Variants in AXIN1 observed in about 807,000 individuals in gnomAD.
AXIN1 encodes axin-1.
In AXIN1, 30 loss-of-function variants were observed where a neutral mutation model predicts 76.4. That is an observed-to-expected ratio of 0.39 (90% CI 0.29 to 0.53). The LOEUF (loss-of-function observed/expected upper bound fraction) is 0.53. Ranked by LOEUF, AXIN1 falls within the 20% of genes least tolerant of loss-of-function variation. The probability of loss-of-function intolerance (pLI) is 0.66; values close to 1 mark genes in which losing one functional copy is unlikely to be tolerated. For synonymous variants in AXIN1, 545 were observed against 501.4 expected, an observed-to-expected ratio of 1.09 and a Z score of -1.16; for missense variants, 1,140 against 1,198.8, an observed-to-expected ratio of 0.95 and a Z score of 0.72.
chr16:340,349 C>A (rs779412154), intron 2 of AXIN1, among the ~76,000 whole-genome samples: 21 of 152,212 alleles, frequency 1.4e-4, no homozygotes, highest in Non-Finnish European at 2.1e-4. Context: ...GGAAGACACA[C>A]GAAAATATCC....
chr16:335,391 C>T (rs1408684620), intron 2 of AXIN1, among the ~76,000 whole-genome samples: 1 of 151,938 alleles, frequency 6.6e-6, no homozygotes, highest in Non-Finnish European at 1.5e-5. Context: ...TAATGCAGCA[C>T]CCAGTATCAT....
chr16:310,149 G>A (rs977012294), intron 3 of AXIN1, 80 bp from the exon 4 acceptor site: 503 of 1,340,256 alleles, frequency 3.8e-4, no homozygotes, highest in Non-Finnish European at 5.0e-4. Context: ...TCCTGGCCCC[G>A]ACCGCCGGTC....
intron 2 of AXIN1, among the ~76,000 whole-genome samples, chr16:344,175 G>A (rs1265916760): frequency 6.6e-6 from 1 of 152,032 alleles, no homozygotes; most frequent in Non-Finnish European, 1.5e-5. Flanking sequence ...GCCCACGTCT[G>A]TAATCCCCGC....
At chr16:295,211 C>G (rs998112158) in intron 7 of AXIN1, among the ~76,000 whole-genome samples, 1 of 151,022 alleles carries the variant, frequency 6.6e-6, no homozygotes, top group African/African-American at 2.4e-5. Flanking sequence ...GTTCAAGCGA[C>G]TCTCCTGCCT....
In AXIN1 at chr16:347,033, C is replaced by T. The variant is rs2054048466; in HGVS notation, c.-8G>A. On this transcript the variant is annotated 5_prime_UTR_variant, in exon 2 of 11. Coordinates refer to ENST00000262320, the MANE Select transcript of AXIN1 (RefSeq NM_003502.4). The stretch of plus-strand genomic sequence containing the variant: ...CTGCTCTTGGATATTCATTTTGGGA[C>T]TCTGCGTCAAGGAACAATGAGCGCT... 2 of 1,614,090 alleles carry T rather than the reference C, an allele frequency of 1.2e-6. No homozygotes were observed. Among genetic ancestry groups the T allele is most frequent in the Non-Finnish European group, 1.7e-6 (2 of 1,180,050 alleles).
intron 3 of AXIN1, 103 bp downstream of exon 3, chr16:314,440 T>A: frequency 6.4e-7 from 1 of 1,554,846 alleles, no homozygotes; most frequent in Non-Finnish European, 8.7e-7. Flanking sequence ...ACAGGGTGTC[T>A]GGGGCAGGAC....
At position 310,070 on chromosome 16, in the gene AXIN1, C is replaced by G. The variant is rs2053134499; in HGVS notation, c.1020-1G>C. On this transcript the variant is annotated splice_acceptor_variant, in intron 3 of 10. Transcript: ENST00000262320. LOFTEE classifies it high-confidence loss of function. ...GATCCTGTATGGGGGGATCCCATCC[C>G]TGTCCAGGAGAAAGAGGCAGCCGTT... The G allele has an allele frequency of 6.2e-7, 1 of 1,608,100 alleles. No individual in the cohort carries two copies. The highest frequency in any genetic ancestry group is 8.5e-7 in the Non-Finnish European group (1 of 1,177,720).
chr16:291,307 A>T lies in AXIN1; in HGVS notation c.2187-10T>A. The stretch of plus-strand genomic sequence containing the variant: ...AACCTCCTGCACATACCTAGGGAAC[A>T]ACCCGCGTCAAAGGTGGCTGTGCCG... On this transcript the variant is annotated splice_polypyrimidine_tract_variant and intron_variant, in intron 8 of 10. Coordinates refer to ENST00000262320, the MANE Select transcript of AXIN1 (RefSeq NM_003502.4). 6.4e-7 allele frequency: 1 copy of T among 1,564,312 alleles called. No individual in the cohort carries two copies. Among genetic ancestry groups the T allele is most frequent in the African/African-American group, 1.3e-5 (1 of 74,302 alleles).
intron 8 of AXIN1, 115 bp from the exon 9 acceptor site, chr16:291,412 C>T: frequency 5.8e-6 from 5 of 861,328 alleles, no homozygotes; most frequent in Non-Finnish European, 9.4e-6. Flanking sequence ...CCCGAACAAC[C>T]CACCCTGCGC....
intron 3 of AXIN1, among the ~76,000 whole-genome samples, chr16:312,005 G>A (rs947935862): frequency 6.6e-6 from 1 of 152,186 alleles, no homozygotes; most frequent in East Asian, 1.9e-4. Flanking sequence ...GCTCAGCCAC[G>A]GTGGGCGTCA....
intron 3 of AXIN1, among the ~76,000 whole-genome samples, chr16:310,630 C>T (rs1391581848): frequency 6.6e-6 from 1 of 152,216 alleles, no homozygotes; most frequent in Admixed American, 6.5e-5. Context: ...ATCTCCTGAC[C>T]TCGTGATCCG....
At chr16:306,447 G>C (rs1178923093) in intron 4 of AXIN1, among the ~76,000 whole-genome samples, 1 of 152,224 alleles carries the variant, frequency 6.6e-6, no homozygotes, top group East Asian at 1.9e-4. Flanking sequence ...CAAGCAAGCA[G>C]GGTGGCAGAT....
At chr16:303,241 G>A (rs1023201957) in intron 5 of AXIN1, among the ~76,000 whole-genome samples, 10 of 152,154 alleles carry the variant, frequency 6.6e-5, no homozygotes, top group African/African-American at 2.4e-4. Context: ...GCACTGGGAG[G>A]AGCGCACACT....
Position 352,507 on chromosome 16 carries a change from C to T in AXIN1, c.-220G>A. On this transcript the variant is annotated 5_prime_UTR_variant, in exon 1 of 11. Coordinates refer to ENST00000262320, the MANE Select transcript of AXIN1 (RefSeq NM_003502.4). ...GGGGCGGCCCCCATCTCGGCGGCTG[C>T]GGCTCGGCGGCCCGGAGGCGGACGC... 1.2e-6 allele frequency: 1 copy of T among 810,806 alleles called. No individual in the cohort carries two copies. The highest frequency in any genetic ancestry group is 1.5e-6 in the Non-Finnish European group (1 of 673,690). 50.2% of individuals were successfully genotyped at this position (810,806 alleles called of 1,614,324 possible).
chr16:342,377 C>T (rs911057269), intron 2 of AXIN1, among the ~76,000 whole-genome samples: 9 of 152,180 alleles, frequency 5.9e-5, no homozygotes, highest in African/African-American at 2.2e-4. Context: ...AAGAACCCAC[C>T]AATTCCGGAC....
Position 320,738 on chromosome 16 carries a change from TATA to T in AXIN1, c.879-6058_879-6056del, listed in dbSNP as rs1368300006. 1.5e-3 allele frequency among the ~76,000 whole-genome samples: 145 copies of T among 94,008 alleles called. No homozygotes were observed. In the Middle Eastern group the frequency reaches 0.015, roughly 10 times the overall value. The allele number at this position is 94,008 out of a possible 152,430, so 61.7% of individuals were successfully genotyped here. Reference sequence around the variant, plus strand: ...GCGTGTGTGTGTATATATATATATATATATATTTTTTTTTTTTTTGAGACGGAG... The same window carrying T: ...GCGTGTGTGTGTATATATATATATATTATTTTTTTTTTTTTTGAGACGGAG... On this transcript the variant is annotated intron_variant, in intron 2 of 10. Coordinates refer to ENST00000262320, the MANE Select transcript of AXIN1 (RefSeq NM_003502.4).
intron 7 of AXIN1, among the ~76,000 whole-genome samples, chr16:295,347 C>T (rs2052683346): frequency 6.6e-6 from 1 of 151,804 alleles, no homozygotes; most frequent in Non-Finnish European, 1.5e-5. Context: ...GGACCTCAAG[C>T]GATCCACCTG....
chr16:314,580 T>C lies in AXIN1; in HGVS notation c.982A>G (p.Ser328Gly). The C allele has an allele frequency of 2.5e-6, 4 of 1,613,928 alleles. No homozygotes were observed. The highest frequency in any genetic ancestry group is 2.5e-6 in the Non-Finnish European group (3 of 1,179,928). The change falls in exon 3 of 11, where the codon AGC becomes GGC. Residue 328 changes from serine to glycine, a missense_variant. Coordinates refer to ENST00000262320, the MANE Select transcript of AXIN1 (RefSeq NM_003502.4). ...GTGAGGGACAGGGTGTCTGCATCGC[T>C]GGACAGGCTCTGCTGCTCGCTGTCG... ...ANDSEQQSLSSDADTLSLTDS... is the reference protein window; with the variant it reads ...ANDSEQQSLSGDADTLSLTDS...
chr16:350,586 G>A (rs964201972), intron 1 of AXIN1, among the ~76,000 whole-genome samples: 1 of 152,136 alleles, frequency 6.6e-6, no homozygotes, highest in African/African-American at 2.4e-5. Flanking sequence ...CATGGAGGAG[G>A]CAAGTAACAC....
Sources: allele counts gnomAD v4.1 joint callset (sites outside exome capture counted in the v4.1 genomes callset), GRCh38; gene constraint gnomAD v4.1.1; transcripts MANE v1.5; gene names NCBI Gene and HGNC (gene_info 2026-07-23, HGNC 2026-07-21).